The following SNX14 variants were observed in gnomAD, a reference collection of about 807,000 sequenced individuals.
SNX14 encodes sorting nexin 14.
Under a neutral mutation model 133.8 loss-of-function variants are expected in SNX14, and 93 were observed. The ratio of observed to expected loss-of-function variants is 0.70; its 90% CI spans 0.59 to 0.83. SNX14 has a LOEUF of 0.83. SNX14 is among the 40% of genes least tolerant of loss of function. The pLI is 0.00. For missense variants in SNX14, 945 were observed against 1,094.9 expected (o/e 0.86, Z 1.93); for synonymous variants, 368 against 365.6 (o/e 1.01, Z -0.07).
chr6:85,515,244 G>T (rs1433538585), intron 23 of SNX14, among the ~76,000 whole-genome samples: 2 of 134,288 alleles, frequency 1.5e-5, no homozygotes, highest in African/African-American at 5.8e-5. Flanking sequence ...TCCAGCCTGG[G>T]TGACAGAGCA....
At chr6:85,585,744 CA>C (rs1800617469) in intron 1 of SNX14, among the ~76,000 whole-genome samples, 1 of 151,996 alleles carries the variant, frequency 6.6e-6, no homozygotes, top group South Asian at 2.1e-4. Context: ...AAAAAAGAAT[CA>C]AACTTAAAAA....
chr6:85,579,131 C>A (rs1351293092), intron 1 of SNX14, among the ~76,000 whole-genome samples: 6 of 151,710 alleles, frequency 4.0e-5, no homozygotes, highest in Non-Finnish European at 8.8e-5. Context: ...GAATGGGACT[C>A]CGTCTAAAAA....
intron 6 of SNX14, among the ~76,000 whole-genome samples, chr6:85,560,949 G>A (rs546823246): frequency 2.6e-4 from 40 of 150,958 alleles, no homozygotes; most frequent in East Asian, 3.9e-4. Flanking sequence ...CAGGAGAATC[G>A]CTTGAACCTG....
chr6:85,555,313 T>C (rs1175525983), intron 7 of SNX14, among the ~76,000 whole-genome samples: 1 of 152,190 alleles, frequency 6.6e-6, no homozygotes, highest in Non-Finnish European at 1.5e-5. Context: ...TATTTATAAT[T>C]GCCAAAAATT....
rs193177458 is a variant in SNX14 at position 85,524,754 on chromosome 6, A to G, written c.2107+1372T>C. ...AGCCAAAATCACACCACTGCACTCC[A>G]GCCTGGGTGACAGAGCAAGATTCCA... On this transcript the variant is annotated intron_variant, in intron 21 of 28. Transcript: ENST00000314673. Among the ~76,000 whole-genome samples the G allele has an allele frequency of 1.8e-3, 266 of 151,242 alleles. 4 individuals are homozygous for G. The highest frequency in any genetic ancestry group is 6.1e-3 in the African/African-American group (251 of 41,070).
At chr6:85,555,705 C>T (rs541735081) in intron 7 of SNX14, among the ~76,000 whole-genome samples, 2 of 152,192 alleles carry the variant, frequency 1.3e-5, no homozygotes, top group South Asian at 4.1e-4. Context: ...TAAAACCTAA[C>T]GAGGCCAGGC....
intron 15 of SNX14, among the ~76,000 whole-genome samples, chr6:85,540,223 A>T (rs2128052549): frequency 6.6e-6 from 1 of 152,284 alleles, no homozygotes; most frequent in East Asian, 1.9e-4. Flanking sequence ...CGGCCTCCCA[A>T]ATTGTTGGGA....
At chr6:85,567,018 CT>C (rs1214633090) in intron 5 of SNX14, among the ~76,000 whole-genome samples, 1 of 152,104 alleles carries the variant, frequency 6.6e-6, no homozygotes, top group African/African-American at 2.4e-5. Context: ...AGGAAAAGTA[CT>C]GAAGCTATCT....
intron 21 of SNX14, among the ~76,000 whole-genome samples, chr6:85,519,862 C>T (rs35694036): frequency 0.082 from 12,429 of 151,526 alleles, 824 homozygotes; most frequent in East Asian, 0.22. Flanking sequence ...AGTGAGACTC[C>T]GTCTCAAAAA....
chr6:85,514,559 T>G lies in SNX14; in HGVS notation c.2339A>C (p.Tyr780Ser). 6.2e-7 allele frequency: 1 copy of G among 1,613,488 alleles called. No individual in the cohort carries two copies. Among genetic ancestry groups the G allele is most frequent in the Non-Finnish European group, 8.5e-7 (1 of 1,179,740 alleles). Residue 780 changes from tyrosine (Y) to serine (S), a missense_variant, in exon 24 of 29, where the codon TAT (tyrosine) becomes TCT (serine). Physicochemically the swap from Tyr to Ser is moderately radical, Grantham distance 144 (BLOSUM62 -2). This residue lies in a region of SNX14 where 412 missense variants were observed against 516.6 expected (regional missense o/e 0.80). Coordinates refer to ENST00000314673, the MANE Select transcript of SNX14 (RefSeq NM_153816.6). ...TTCTACAGTCATCACCTCCATAAAA[T>G]AATTCTGATTTTGCTTTCTCTCTGT... ...ENTERKQNQN[Y>S]FMEVMTVEGV...
In SNX14 at chr6:85,538,832, A is replaced by T; in HGVS notation, c.1475+6T>A. 6.3e-7 allele frequency: 1 copy of T among 1,595,644 alleles called. No individual in the cohort carries two copies. Among genetic ancestry groups the T allele is most frequent in the African/African-American group, 1.4e-5 (1 of 73,778 alleles). Reference sequence around the variant, plus strand: ...TACTGAAAAGAATCACATGCTCAAGACTTACCGAAAATCATCCAAACTTAG... The same window carrying T: ...TACTGAAAAGAATCACATGCTCAAGTCTTACCGAAAATCATCCAAACTTAG... On this transcript the variant is annotated splice_donor_region_variant and intron_variant, in intron 16 of 28. Coordinates refer to ENST00000314673, the MANE Select transcript of SNX14 (RefSeq NM_153816.6).
chr6:85,542,337 C>G (rs947160708), intron 14 of SNX14, among the ~76,000 whole-genome samples: 3 of 152,182 alleles, frequency 2.0e-5, no homozygotes, highest in African/African-American at 7.2e-5. Context: ...TCTACTTACA[C>G]AAATATAAAC....
At chr6:85,518,550 T>C (rs918976127) in intron 21 of SNX14, among the ~76,000 whole-genome samples, 1 of 152,190 alleles carries the variant, frequency 6.6e-6, no homozygotes, top group Non-Finnish European at 1.5e-5. Context: ...TTTGCCAAAA[T>C]TACTTCTTGA....
At chr6:85,522,881 G>A (rs1368045626) in intron 21 of SNX14, among the ~76,000 whole-genome samples, 2 of 152,092 alleles carry the variant, frequency 1.3e-5, no homozygotes, top group African/African-American at 4.8e-5. Context: ...GTACATGCCA[G>A]TCCCTCCAAC....
At chr6:85,528,388 T>C in intron 19 of SNX14, 26 bp from the exon 20 acceptor site, 1 of 1,548,360 alleles carries the variant, frequency 6.5e-7, no homozygotes, top group South Asian at 1.2e-5. Flanking sequence ...ATTATAGTTA[T>C]TACTGTGTTC....
chr6:85,505,968 T>C lies in SNX14; in HGVS notation c.2840A>G (p.Ter947=), dbSNP rs1017244909. 1.9e-6 allele frequency: 3 copies of C among 1,601,340 alleles called. No homozygotes were observed. The highest frequency in any genetic ancestry group is 2.6e-6 in the Non-Finnish European group (3 of 1,168,930). Residue 947 remains the stop codon, a stop_retained_variant, in exon 29 of 29, where the codon TAA becomes TGA. Coordinates refer to ENST00000314673, the MANE Select transcript of SNX14 (RefSeq NM_153816.6). ...TTATTCTATACCAAATCCAAGTGTT[T>C]ACATCCAAGATGTCACAGAGGTAAC... is the stretch of plus-strand genomic sequence containing the variant. ...KEVTSVTSWM[*] is the part of the protein sequence containing the mutation.
intron 20 of SNX14, among the ~76,000 whole-genome samples, chr6:85,527,923 T>C (rs1449098369): frequency 2.0e-5 from 3 of 152,050 alleles, no homozygotes; most frequent in East Asian, 1.9e-4. Context: ...GTAACAAATA[T>C]TCTAAGAATA....
intron 1 of SNX14, among the ~76,000 whole-genome samples, chr6:85,583,247 G>T (rs1270205941): frequency 1.3e-5 from 2 of 152,088 alleles, no homozygotes; most frequent in Non-Finnish European, 2.9e-5. Flanking sequence ...AGGTATTCAT[G>T]GAATCTATCT....
At chr6:85,527,622 G>C (rs1174652913) in intron 20 of SNX14, among the ~76,000 whole-genome samples, 1 of 151,984 alleles carries the variant, frequency 6.6e-6, no homozygotes, top group Non-Finnish European at 1.5e-5. Context: ...GTAAGCACTT[G>C]ATAAAGAAAG....
Sources: allele counts gnomAD v4.1 joint callset (sites outside exome capture counted in the v4.1 genomes callset), GRCh38; gene constraint gnomAD v4.1.1; regional missense constraint gnomAD v4.1.1; transcripts MANE v1.5; gene names NCBI Gene and HGNC (gene_info 2026-07-23, HGNC 2026-07-21).